The following CYFIP2 variants were observed in gnomAD, a reference collection of about 807,000 sequenced individuals.
The protein encoded by CYFIP2 is cytoplasmic FMR1 interacting protein 2.
CYFIP2 carries 29 observed loss-of-function variants against 158.7 expected under a neutral mutation model. The observed-to-expected ratio is 0.18, with a 90% confidence interval of 0.14 to 0.25. CYFIP2 has a LOEUF of 0.25. CYFIP2 is among the 10% of genes least tolerant of loss of function. The pLI is 1.00. For synonymous variants in CYFIP2, 585 were observed against 617.6 expected (o/e 0.95, Z 0.78); for missense variants, 852 against 1,639.5 (o/e 0.52, Z 8.29).
At position 157,359,053 on chromosome 5, in the gene CYFIP2, G is replaced by A. The variant is rs753859417; in HGVS notation, c.2722G>A (p.Val908Met). Residue 908 changes from valine to methionine, a missense_variant, in exon 24 of 31, where the codon GTG becomes ATG. Val to Met is a conservative substitution (Grantham distance 21). Around this residue, in one of 8 missense-constraint regions of CYFIP2, gnomAD observed 191 missense variants for 311.2 expected, o/e 0.61. Transcript: ENST00000620254. ...SHIYSSYRNF[V>M]GPPHFKTICR... ...CATCTACAGCTCCTACAGGAATTTC[G>A]TGGGGCCACCTCATTTCAAGACTAT... 9 of 1,613,916 alleles carry A rather than the reference G, an allele frequency of 5.6e-6. No homozygotes were observed. Among genetic ancestry groups the A allele is most frequent in the South Asian group, 2.2e-5 (2 of 91,080 alleles).
chr5:157,386,927 T>TAA (rs554742130), intron 28 of CYFIP2, among the ~76,000 whole-genome samples: 484 of 132,432 alleles, frequency 3.7e-3, no homozygotes, highest in African/African-American at 0.012. Flanking sequence ...CTCGAAGATT[T>TAA]AAAAAAAAAA....
Position 157,393,158 on chromosome 5 carries a change from T to C in CYFIP2, c.*158T>C, listed in dbSNP as rs1179068332. 1.5e-6 allele frequency: 1 copy of C among 676,376 alleles called. No homozygotes were observed. Among genetic ancestry groups the C allele is most frequent in the South Asian group, 2.3e-5 (1 of 42,898 alleles). The allele number at this position is 676,376 out of a possible 1,614,324, so 41.9% of individuals were successfully genotyped here. ...TCACCACTCCCTAGGGCGGGGCCTG[T>C]GCATGCTCTCCCATGACATCTCCAT... On this transcript the variant is annotated 3_prime_UTR_variant, in exon 31 of 31. Transcript: ENST00000620254.
chr5:157,356,931 CA>C (rs1763450459), intron 23 of CYFIP2, among the ~76,000 whole-genome samples: 2 of 152,290 alleles, frequency 1.3e-5, no homozygotes, highest in Admixed American at 1.3e-4. Flanking sequence ...TGCTGAACAT[CA>C]GCTTCAGTGA....
intron 18 of CYFIP2, among the ~76,000 whole-genome samples, chr5:157,327,497 G>A (rs1433759109): frequency 5.3e-5 from 8 of 150,800 alleles, no homozygotes; most frequent in Non-Finnish European, 1.2e-4. Context: ...CCCGGGAGGC[G>A]GAGGTTGCAG....
At chr5:157,287,870 A>G (rs60869055) in intron 3 of CYFIP2, among the ~76,000 whole-genome samples, 14,221 of 152,208 alleles carry the variant, frequency 0.093, 729 homozygotes, top group Middle Eastern at 0.15. Flanking sequence ...AGGTAGGAAG[A>G]TCCCTTGAGC....
At chr5:157,386,953 G>A (rs894102587) in intron 28 of CYFIP2, among the ~76,000 whole-genome samples, 2 of 150,918 alleles carry the variant, frequency 1.3e-5, no homozygotes, top group Non-Finnish European at 2.9e-5. Flanking sequence ...AAAAAGGATG[G>A]TGTCTTTAGA....
chr5:157,383,556 T>C lies in CYFIP2; in HGVS notation c.3207+197T>C, dbSNP rs1766342163. ...TTGCTGACTCTCAGGCCTGAGTGTT[T>C]CTTCTGTAGCCTGTATCATGTATCC... On this transcript the variant is annotated intron_variant, in intron 28 of 30. Coordinates refer to ENST00000620254, the MANE Select transcript of CYFIP2 (RefSeq NM_001037333.3). 9.2e-6 allele frequency: 5 copies of C among 542,386 alleles called. No homozygotes were observed. In the East Asian group the frequency reaches 1.5e-4, roughly 16 times the overall value. The allele number at this position is 542,386 out of a possible 1,614,324, so 33.6% of individuals were successfully genotyped here.
intron 1 of CYFIP2, among the ~76,000 whole-genome samples, chr5:157,277,911 C>G (rs1041759130): frequency 3.3e-5 from 5 of 152,146 alleles, no homozygotes; most frequent in Admixed American, 6.5e-5. Context: ...CCTATTGCTC[C>G]TGGGCTGCAA....
intron 13 of CYFIP2, among the ~76,000 whole-genome samples, chr5:157,317,411 G>A (rs956546010): frequency 4.6e-5 from 7 of 152,278 alleles, no homozygotes; most frequent in South Asian, 2.1e-4. Context: ...CTTGTTAAGC[G>A]ATTCCTTGTG....
Position 157,286,570 on chromosome 5 carries a change from A to G in CYFIP2, c.118-449A>G, listed in dbSNP as rs1422627646. The stretch of plus-strand genomic sequence containing the variant: ...ATTTTATGTATATATATATATATAT[A>G]TATATATATTTAGCCTTTCACTGTT... On this transcript the variant is annotated intron_variant, in intron 2 of 30. Transcript: ENST00000620254. Among the ~76,000 whole-genome samples the G allele has an allele frequency of 4.0e-5, 6 of 148,732 alleles. 1 individual carries two copies. The highest frequency in any genetic ancestry group is 8.9e-5 in the Non-Finnish European group (6 of 67,358).
At chr5:157,335,314 G>A (rs1298058808) in intron 21 of CYFIP2, among the ~76,000 whole-genome samples, 1 of 152,170 alleles carries the variant, frequency 6.6e-6, no homozygotes, top group Admixed American at 6.5e-5. Context: ...GTCTTGCTCT[G>A]TTGCCTAGGC....
intron 26 of CYFIP2, among the ~76,000 whole-genome samples, chr5:157,372,630 G>A (rs73307936): frequency 0.023 from 3,481 of 152,158 alleles, 133 homozygotes; most frequent in African/African-American, 0.081. Flanking sequence ...CATATATCCC[G>A]GAGCTACATC....
chr5:157,333,339 T>C lies in CYFIP2; in HGVS notation c.2278T>C (p.Ser760Pro). The C allele has an allele frequency of 6.2e-7, 1 of 1,613,944 alleles. No individual in the cohort carries two copies. Among genetic ancestry groups the C allele is most frequent in the Non-Finnish European group, 8.5e-7 (1 of 1,179,854 alleles). Residue 760 changes from serine (S) to proline (P), a missense_variant, in exon 21 of 31, where the codon TCA becomes CCA. By Grantham distance (74) the Ser-to-Pro change is moderately conservative. Coordinates refer to ENST00000620254, the MANE Select transcript of CYFIP2 (RefSeq NM_001037333.3). ...TCTCTTCATCCAGCTGTTGGGTAGA[T>C]CAATTGACTTGAACAGACTCATTAC... ...KQRHVQLLGR[S>P]IDLNRLITQR...
chr5:157,347,489 A>G (rs1312509543), intron 23 of CYFIP2, among the ~76,000 whole-genome samples: 1 of 152,178 alleles, frequency 6.6e-6, no homozygotes, highest in Admixed American at 6.5e-5. Flanking sequence ...GCAGCAATGC[A>G]TGCAGCATGT....
chr5:157,308,073 T>A (rs1039454753), intron 9 of CYFIP2, among the ~76,000 whole-genome samples: 4 of 151,976 alleles, frequency 2.6e-5, no homozygotes, highest in African/African-American at 9.7e-5. Context: ...CCTAGAAGGC[T>A]GCTGCATGAA....
chr5:157,275,363 A>T (rs910574958), intron 1 of CYFIP2, among the ~76,000 whole-genome samples: 1 of 152,220 alleles, frequency 6.6e-6, no homozygotes, highest in African/African-American at 2.4e-5. Context: ...CCATAAAACA[A>T]ATTTTGCATG....
chr5:157,378,139 G>T (rs1242026037), intron 26 of CYFIP2, among the ~76,000 whole-genome samples: 1 of 152,048 alleles, frequency 6.6e-6, no homozygotes, highest in Non-Finnish European at 1.5e-5. Flanking sequence ...GGAATTTTTG[G>T]GTACAAACTG....
intron 23 of CYFIP2, among the ~76,000 whole-genome samples, chr5:157,351,735 C>T (rs1290652817): frequency 6.6e-6 from 1 of 152,202 alleles, no homozygotes; most frequent in East Asian, 1.9e-4. Flanking sequence ...ACCTGTGATT[C>T]TTCAGTCCAT....
intron 3 of CYFIP2, among the ~76,000 whole-genome samples, chr5:157,291,530 G>T (rs1036149461): frequency 6.6e-6 from 1 of 152,234 alleles, no homozygotes; most frequent in African/African-American, 2.4e-5. Context: ...TTCACTGAAT[G>T]CATGAGTCGG....
Sources: gnomAD v4.1 joint callset for allele counts (sites outside exome capture counted in the v4.1 genomes callset) on GRCh38, gnomAD v4.1.1 for gene constraint, gnomAD v4.1.1 regional missense constraint, MANE v1.5 for transcripts, NCBI Gene and HGNC (gene_info 2026-07-23, HGNC 2026-07-21) for gene names.